The following LRRTM4 variants were observed in gnomAD, a reference collection of about 807,000 sequenced individuals.
LRRTM4 encodes leucine rich repeat transmembrane neuronal 4, also known as leucine-rich repeat transmembrane neuronal protein 4.
A neutral mutation model predicts 47.6 loss-of-function variants in LRRTM4; 25 were observed. That is an observed-to-expected ratio of 0.53 (90% CI 0.38 to 0.73). LRRTM4 has a LOEUF of 0.73. Among genes scored for constraint, LRRTM4 ranks in the 30% least tolerant of loss-of-function variants. The probability of loss-of-function intolerance (pLI) is 0.00; values close to 1 mark genes in which losing one functional copy is unlikely to be tolerated. For synonymous variants in LRRTM4, 311 were observed against 269.5 expected (o/e 1.15, Z -1.51); for missense variants, 638 against 713.4 (o/e 0.89, Z 1.20).
chr2:76,840,321 G>T (rs535314685), intron 3 of LRRTM4, among the ~76,000 whole-genome samples: 130 of 152,308 alleles, frequency 8.5e-4, no homozygotes, highest in African/African-American at 3.0e-3. Context: ...TTGGGTAAAA[G>T]CATCCTCTCA....
At chr2:77,203,652 A>G (rs1674041735) in intron 3 of LRRTM4, among the ~76,000 whole-genome samples, 1 of 151,860 alleles carries the variant, frequency 6.6e-6, no homozygotes, top group South Asian at 2.1e-4. Context: ...GTTTACCTTA[A>G]TGATAAAGCC....
At chr2:77,423,591 T>C (rs1454622291) in intron 3 of LRRTM4, among the ~76,000 whole-genome samples, 2 of 152,148 alleles carry the variant, frequency 1.3e-5, no homozygotes, top group African/African-American at 4.8e-5. Context: ...CCAATGGTCA[T>C]GATTGGTTGC....
intron 3 of LRRTM4, among the ~76,000 whole-genome samples, chr2:76,960,728 G>C (rs1402079273): frequency 6.6e-6 from 1 of 151,496 alleles, no homozygotes; most frequent in Non-Finnish European, 1.5e-5. Context: ...CATTTGTTAT[G>C]TAACACTATA....
chr2:77,036,499 A>G (rs1363689787), intron 3 of LRRTM4, among the ~76,000 whole-genome samples: 1 of 151,736 alleles, frequency 6.6e-6, no homozygotes, highest in African/African-American at 2.4e-5. Flanking sequence ...CCAGCCCAGT[A>G]AAAGAGGATT....
chr2:77,209,749 T>C (rs1242044916), intron 3 of LRRTM4, among the ~76,000 whole-genome samples: 1 of 152,214 alleles, frequency 6.6e-6, no homozygotes, highest in African/African-American at 2.4e-5. Context: ...ATTGAAACAA[T>C]GCTCTGACCT....
chr2:76,870,038 T>C (rs17405232), intron 3 of LRRTM4, among the ~76,000 whole-genome samples: 28,210 of 152,118 alleles, frequency 0.19, 3,030 homozygotes, highest in African/African-American at 0.28. Flanking sequence ...AATTGGAATA[T>C]TGCCAAAACA....
At chr2:76,752,747 T>A (rs1672896180) in intron 3 of LRRTM4, among the ~76,000 whole-genome samples, 1 of 152,214 alleles carries the variant, frequency 6.6e-6, no homozygotes, top group African/African-American at 2.4e-5. Flanking sequence ...ACCACCTGGG[T>A]CCCTGTGTGT....
chr2:76,922,339 C>G (rs901625454), intron 3 of LRRTM4, among the ~76,000 whole-genome samples: 1 of 152,016 alleles, frequency 6.6e-6, no homozygotes, highest in Non-Finnish European at 1.5e-5. Context: ...AAAAGGGAAG[C>G]AAGCACATCT....
intron 3 of LRRTM4, chr2:76,773,055 G>A (rs1673781586): frequency 6.6e-6 from 1 of 152,138 alleles, no homozygotes. Context: ...ATCCCCCAAG[G>A]ATAAGGAGTA....
intron 3 of LRRTM4, among the ~76,000 whole-genome samples, chr2:77,099,251 T>C (rs576524681): frequency 5.9e-5 from 9 of 152,026 alleles, no homozygotes; most frequent in African/African-American, 1.9e-4. Context: ...ACATTAACTG[T>C]ACTATGTTTT....
chr2:77,276,173 T>G (rs1193612471), intron 3 of LRRTM4, among the ~76,000 whole-genome samples: 1 of 152,020 alleles, frequency 6.6e-6, no homozygotes, highest in Non-Finnish European at 1.5e-5. Flanking sequence ...CTTTTATCAA[T>G]AAATTATAAT....
intron 3 of LRRTM4, among the ~76,000 whole-genome samples, chr2:77,300,640 T>C (rs1677111443): frequency 6.6e-6 from 1 of 152,188 alleles, no homozygotes. Flanking sequence ...GTGTATATAA[T>C]ATAACATGCA....
intron 3 of LRRTM4, among the ~76,000 whole-genome samples, chr2:77,434,173 T>G (rs1048218460): frequency 3.3e-5 from 5 of 151,534 alleles, no homozygotes; most frequent in African/African-American, 9.7e-5. Context: ...CTGTAGAGAG[T>G]GACATCAGCG....
chr2:77,210,694 G>T (rs1050067825), intron 3 of LRRTM4, among the ~76,000 whole-genome samples: 4 of 152,062 alleles, frequency 2.6e-5, no homozygotes, highest in African/African-American at 9.7e-5. Flanking sequence ...TTTTCCCACT[G>T]CGTTTTCAGG....
chr2:77,169,375 A>T (rs533465113), intron 3 of LRRTM4, among the ~76,000 whole-genome samples: 1 of 152,122 alleles, frequency 6.6e-6, no homozygotes, highest in Non-Finnish European at 1.5e-5. Flanking sequence ...CATTTTGTTC[A>T]TTTAAAATTT....
chr2:77,269,101 A>C (rs2104064718), intron 3 of LRRTM4, among the ~76,000 whole-genome samples: 1 of 152,176 alleles, frequency 6.6e-6, no homozygotes, highest in South Asian at 2.1e-4. Flanking sequence ...TCTAGATCTC[A>C]GCTGAAATTT....
intron 3 of LRRTM4, among the ~76,000 whole-genome samples, chr2:77,001,848 T>G (rs1262304054): frequency 6.6e-6 from 1 of 152,204 alleles, no homozygotes; most frequent in Non-Finnish European, 1.5e-5. Context: ...ATAACGGATC[T>G]GCACAATCCC....
At chr2:76,820,594 G>C (rs1322787145) in intron 3 of LRRTM4, among the ~76,000 whole-genome samples, 1 of 151,702 alleles carries the variant, frequency 6.6e-6, no homozygotes. Context: ...TAATCTTGAA[G>C]GAATTAGATA....
chr2:77,167,110 G>GA (rs1407728508), intron 3 of LRRTM4, among the ~76,000 whole-genome samples: 1 of 151,722 alleles, frequency 6.6e-6, no homozygotes, highest in Non-Finnish European at 1.5e-5. Context: ...AAATTTACAA[G>GA]AAAAAAACAA....
Sources: gnomAD v4.1 joint callset for allele counts (sites outside exome capture counted in the v4.1 genomes callset) on GRCh38, gnomAD v4.1.1 for gene constraint, MANE v1.5 for transcripts, NCBI Gene and HGNC (gene_info 2026-07-23, HGNC 2026-07-21) for gene names.